SGCD: variants seen among roughly 807,000 people sequenced by gnomAD.
SGCD encodes the protein delta-sarcoglycan.
Under a neutral mutation model 36.6 loss-of-function variants are expected in SGCD, and 18 were observed. The ratio of observed to expected loss-of-function variants is 0.49; its 90% CI spans 0.34 to 0.73. SGCD has a LOEUF of 0.73. Ranked by LOEUF, SGCD falls within the 30% of genes least tolerant of loss-of-function variation. The pLI, the probability that SGCD is intolerant of heterozygous loss-of-function variation, is 0.01. For missense variants in SGCD, 387 were observed against 346.7 expected (o/e 1.12, Z -0.92); for synonymous variants, 133 against 130.6 (o/e 1.02, Z -0.12).
chr5:156,714,410 AAT>A (rs1755131643), intron 7 of SGCD, among the ~76,000 whole-genome samples: 1 of 152,248 alleles, frequency 6.6e-6, no homozygotes, highest in Non-Finnish European at 1.5e-5. Context: ...TATAGAGAAA[AAT>A]ATGTGTTAGA....
intron 6 of SGCD, among the ~76,000 whole-genome samples, chr5:156,628,435 A>G (rs1762510874): frequency 1.3e-5 from 2 of 152,204 alleles, no homozygotes; most frequent in Non-Finnish European, 2.9e-5. Context: ...TCAGTAACCC[A>G]TTGAAAACTT....
the SGCD span, among the ~76,000 whole-genome samples, chr5:155,740,277 A>G: frequency 6.6e-6 from 1 of 152,190 alleles, no homozygotes; most frequent in Non-Finnish European, 1.5e-5. Context: ...TTTTAGGAAC[A>G]AAAGTATCTC....
At chr5:155,924,947 G>A (rs1756965973) in intron 1 of SGCD, among the ~76,000 whole-genome samples, 2 of 152,168 alleles carry the variant, frequency 1.3e-5, no homozygotes, top group African/African-American at 2.4e-5. Context: ...AGATAAACTG[G>A]AATTGGCAAG....
intron 3 of SGCD, among the ~76,000 whole-genome samples, chr5:156,436,226 G>A (rs1420893980): frequency 6.6e-6 from 1 of 152,158 alleles, no homozygotes; most frequent in Non-Finnish European, 1.5e-5. Context: ...GGGAAGAGGT[G>A]TAAAATGGAT....
intron 1 of SGCD, among the ~76,000 whole-genome samples, chr5:155,965,523 C>T (rs1371467567): frequency 6.6e-6 from 1 of 152,160 alleles, no homozygotes; most frequent in Non-Finnish European, 1.5e-5. Flanking sequence ...ACTAACTCAG[C>T]ATTACACTGA....
the SGCD span, among the ~76,000 whole-genome samples, chr5:155,749,861 C>T: frequency 6.6e-6 from 1 of 152,194 alleles, no homozygotes; most frequent in Non-Finnish European, 1.5e-5. Context: ...AAAACCTGCA[C>T]ATTCCACAAT....
At chr5:156,375,824 A>G (rs1195593916) in intron 3 of SGCD, among the ~76,000 whole-genome samples, 1 of 152,144 alleles carries the variant, frequency 6.6e-6, no homozygotes, top group Non-Finnish European at 1.5e-5. Flanking sequence ...GCCCTCATCT[A>G]CCTATACAGA....
chr5:156,311,447 T>C (rs1161868784), intron 3 of SGCD, among the ~76,000 whole-genome samples: 1 of 152,210 alleles, frequency 6.6e-6, no homozygotes, highest in African/African-American at 2.4e-5. Flanking sequence ...ATTGGTTTAC[T>C]AAAATGATAT....
intron 3 of SGCD, among the ~76,000 whole-genome samples, chr5:156,365,293 A>G (rs971010288): frequency 3.3e-5 from 5 of 152,246 alleles, no homozygotes; most frequent in African/African-American, 4.8e-5. Flanking sequence ...ATCTATTACC[A>G]AAAACTAGGA....
At chr5:155,929,925 TCTC>T (rs763087228) in intron 1 of SGCD, among the ~76,000 whole-genome samples, 16 of 152,084 alleles carry the variant, frequency 1.1e-4, no homozygotes, top group Non-Finnish European at 2.1e-4. Context: ...TTCTCTCCCT[TCTC>T]CTTCAGAAAA....
intron 7 of SGCD, among the ~76,000 whole-genome samples, chr5:156,704,897 TA>T (rs879488777): frequency 2.7e-3 from 382 of 141,792 alleles, no homozygotes; most frequent in Admixed American, 2.6e-3. Context: ...TTGCCTAGAT[TA>T]AAAAAAAAAA....
chr5:156,000,230 G>T (rs1758636942), intron 1 of SGCD, among the ~76,000 whole-genome samples: 1 of 134,614 alleles, frequency 7.4e-6, no homozygotes, highest in Non-Finnish European at 1.5e-5. Context: ...GTACACACAG[G>T]TAGCACACAG....
chr5:156,166,473 C>T (rs1438914595), intron 3 of SGCD, among the ~76,000 whole-genome samples: 3 of 152,152 alleles, frequency 2.0e-5, no homozygotes, highest in East Asian at 3.9e-4. Flanking sequence ...CCAGACACCA[C>T]GCCTGGCTAA....
At chr5:156,651,962 T>C (rs1034261497) in intron 7 of SGCD, among the ~76,000 whole-genome samples, 1 of 152,090 alleles carries the variant, frequency 6.6e-6, no homozygotes, top group Non-Finnish European at 1.5e-5. Flanking sequence ...TTCAGTTGTG[T>C]TTTATAGTTC....
rs540377889 is a variant in SGCD, at chr5:156,386,161, TG to T, written c.192+41485del. 1.8e-3 allele frequency among the ~76,000 whole-genome samples: 274 copies of T among 152,346 alleles called. 3 individuals are homozygous for T. The highest frequency in any genetic ancestry group is 6.0e-3 in the African/African-American group (251 of 41,580). On this transcript the variant is annotated intron_variant, in intron 3 of 8. Transcript: ENST00000337851. Reference sequence around the variant, plus strand: ...ACATTCACAAGTGTTTTTGAAGCACTGAAGTCCCTGTGCTGAATCAGATTGT... The same window carrying T: ...ACATTCACAAGTGTTTTTGAAGCACTAAGTCCCTGTGCTGAATCAGATTGT...
chr5:156,154,193 TC>T (rs1762894481), intron 3 of SGCD, among the ~76,000 whole-genome samples: 2 of 151,602 alleles, frequency 1.3e-5, no homozygotes, highest in Non-Finnish European at 2.9e-5. Flanking sequence ...CTTTTTTTCC[TC>T]CCTTGTTCTC....
At chr5:155,833,270 A>G in the SGCD span, among the ~76,000 whole-genome samples, 1 of 152,110 alleles carries the variant, frequency 6.6e-6, no homozygotes, top group Admixed American at 6.5e-5. Flanking sequence ...AAAGTTCAGT[A>G]TAAAGAAGTA....
At chr5:156,673,054 G>A (rs760964309) in intron 7 of SGCD, among the ~76,000 whole-genome samples, 7 of 152,144 alleles carry the variant, frequency 4.6e-5, no homozygotes, top group Non-Finnish European at 4.4e-5. Context: ...TTCATTGACT[G>A]AAATGTCTTC....
chr5:155,849,574 G>C, the SGCD span, among the ~76,000 whole-genome samples: 1 of 152,150 alleles, frequency 6.6e-6, no homozygotes, highest in African/African-American at 2.4e-5. Flanking sequence ...TCTTTCTCGT[G>C]TAAGTTTTTG....
Sources: gnomAD v4.1 joint callset for allele counts (sites outside exome capture counted in the v4.1 genomes callset) on GRCh38, gnomAD v4.1.1 for gene constraint, MANE v1.5 for transcripts, NCBI Gene and HGNC (gene_info 2026-07-23, HGNC 2026-07-21) for gene names.